ATP13A4: variants seen among roughly 807,000 people sequenced by gnomAD.
ATP13A4 encodes ATPase 13A4, also known as probable cation-transporting ATPase 13A4.
In ATP13A4, 114 loss-of-function variants were observed where a neutral mutation model predicts 142.5. That is an observed-to-expected ratio of 0.80 (90% CI 0.69 to 0.93). The LOEUF (loss-of-function observed/expected upper bound fraction) is 0.93, where lower values mean the gene tolerates loss of function less well. Ranked by LOEUF, ATP13A4 falls within the 40% of genes least tolerant of loss-of-function variation. ATP13A4 has a pLI of 0.00. For synonymous variants in ATP13A4, 488 were observed against 514.8 expected, an observed-to-expected ratio of 0.95 and a Z score of 0.70; for missense variants, 1,392 against 1,454.0, an observed-to-expected ratio of 0.96 and a Z score of 0.69.
chr3:193,454,123 G>A lies in ATP13A4; in HGVS notation c.2005C>T (p.His669Tyr). ...TACCTCGTCAAGGTAGTAGCGTGATGGTCATTTTCCAGCTTCTTGTAGGCC... is the reference window on the plus strand; with the variant it reads ...TACCTCGTCAAGGTAGTAGCGTGATAGTCATTTTCCAGCTTCTTGTAGGCC... ...ALAYKKLEND[H>Y]HATTLTRETV... The change falls in exon 17 of 30, where the codon CAT becomes TAT. Residue 669 changes from histidine (H) to tyrosine (Y), a missense_variant. His to Tyr is a moderately conservative substitution (Grantham distance 83). Coordinates refer to ENST00000342695, the MANE Select transcript of ATP13A4 (RefSeq NM_032279.4). The A allele has an allele frequency of 6.2e-7, 1 of 1,613,262 alleles. No homozygotes were observed. The highest frequency in any genetic ancestry group is 8.5e-7 in the Non-Finnish European group (1 of 1,179,210).
At chr3:193,477,430 T>C (rs554927780) in intron 8 of ATP13A4, among the ~76,000 whole-genome samples, 34 of 152,220 alleles carry the variant, frequency 2.2e-4, no homozygotes, top group African/African-American at 7.0e-4. Context: ...CAGTTGTATA[T>C]GTTCAAAGTG....
rs34195174 is a variant in ATP13A4 at position 193,414,611 on chromosome 3, C to A, written c.2982G>T (p.Gln994His). 2 of 1,613,936 alleles carry A rather than the reference C, an allele frequency of 1.2e-6. No homozygotes were observed. Among genetic ancestry groups the A allele is most frequent in the Non-Finnish European group, 1.7e-6 (2 of 1,180,012 alleles). The change falls in exon 26 of 30, where the codon CAG (glutamine) becomes CAT (histidine). Residue 994 changes from glutamine to histidine, a missense_variant. Gln to His is a conservative substitution (Grantham distance 24, BLOSUM62 0). Transcript: ENST00000342695. ...AMHIAGFILV[Q>H]RQPWYSVEIH... ...TCTCCACGGAATACCAAGGCTGCCT[C>A]TGAACCAGGATGAAGCCTGCAATAT...
intron 1 of ATP13A4, among the ~76,000 whole-genome samples, chr3:193,524,403 G>C (rs1034143254): frequency 6.6e-6 from 1 of 152,188 alleles, no homozygotes; most frequent in African/African-American, 2.4e-5. Context: ...ACACCCATTT[G>C]GTGTCCAGAG....
intron 1 of ATP13A4, among the ~76,000 whole-genome samples, chr3:193,546,663 A>G (rs939894176): frequency 1.3e-5 from 2 of 152,198 alleles, no homozygotes; most frequent in Non-Finnish European, 2.9e-5. Flanking sequence ...GTTTCTTTCA[A>G]TTACACCCTA....
At chr3:193,496,433 C>T (rs1306229651) in intron 3 of ATP13A4, among the ~76,000 whole-genome samples, 2 of 152,194 alleles carry the variant, frequency 1.3e-5, no homozygotes, top group African/African-American at 4.8e-5. Flanking sequence ...TTGCAGCCAA[C>T]TAGTTTTCAA....
At chr3:193,474,793 G>A (rs1017971) in intron 8 of ATP13A4, among the ~76,000 whole-genome samples, 71,082 of 151,210 alleles carry the variant, frequency 0.47, 16,809 homozygotes, top group African/African-American at 0.52. Flanking sequence ...GAGAAAAGGA[G>A]TACATGAAAG....
intron 3 of ATP13A4, among the ~76,000 whole-genome samples, chr3:193,497,501 A>G (rs557751280): frequency 1.4e-4 from 21 of 152,358 alleles, no homozygotes; most frequent in African/African-American, 5.1e-4. Context: ...TATGAAAAAC[A>G]GTATACAGGT....
intron 1 of ATP13A4, among the ~76,000 whole-genome samples, chr3:193,542,003 G>A (rs1473557150): frequency 6.6e-6 from 1 of 152,080 alleles, no homozygotes; most frequent in Admixed American, 6.5e-5. Flanking sequence ...AAGAAATAAA[G>A]GGTATTCAAA....
intron 1 of ATP13A4, among the ~76,000 whole-genome samples, chr3:193,590,367 G>A (rs945136480): frequency 1.3e-5 from 2 of 152,182 alleles, no homozygotes; most frequent in African/African-American, 4.8e-5. Flanking sequence ...GATGGGGTGA[G>A]TCTGAAATAT....
intron 1 of ATP13A4, among the ~76,000 whole-genome samples, chr3:193,532,457 T>C (rs977497698): frequency 1.3e-5 from 2 of 149,784 alleles, no homozygotes; most frequent in African/African-American, 4.9e-5. Flanking sequence ...AAACTTTGAT[T>C]GATTTTGAAT....
At chr3:193,457,349 G>A in intron 15 of ATP13A4, 30 bp downstream of exon 15, 1 of 1,609,848 alleles carries the variant, frequency 6.2e-7, no homozygotes, top group Non-Finnish European at 8.5e-7. Context: ...GAGTTTGGGT[G>A]TTGTGGGGTG....
rs547538529 is a variant in ATP13A4 at position 193,454,081 on chromosome 3, T to C, written c.2027+20A>G. ...CTTTCCATCAAACCTTTCTGCTTTA[T>C]CAAAATCATCCCCATTTACCTCGTC... On this transcript the variant is annotated intron_variant, in intron 17 of 29. Coordinates refer to ENST00000342695, the MANE Select transcript of ATP13A4 (RefSeq NM_032279.4). The C allele has an allele frequency of 3.0e-5, 47 of 1,578,204 alleles. No individual in the cohort carries two copies. Among genetic ancestry groups the C allele is most frequent in the Non-Finnish European group, 4.1e-5 (47 of 1,147,174 alleles).
chr3:193,450,104 C>T (rs374949904), intron 17 of ATP13A4, among the ~76,000 whole-genome samples: 159 of 149,386 alleles, frequency 1.1e-3, no homozygotes, highest in African/African-American at 3.7e-3. Context: ...AAAAATGAAA[C>T]CTGTCTCACA....
intron 7 of ATP13A4, among the ~76,000 whole-genome samples, chr3:193,486,066 AAT>A (rs1298925237): frequency 2.0e-5 from 3 of 149,834 alleles, no homozygotes; most frequent in East Asian, 1.9e-4. Flanking sequence ...TGTATATATA[AAT>A]ATGTTATTAT....
At chr3:193,525,297 T>C (rs191839933) in intron 1 of ATP13A4, among the ~76,000 whole-genome samples, 45 of 152,282 alleles carry the variant, frequency 3.0e-4, no homozygotes, top group South Asian at 1.7e-3. Flanking sequence ...AGCTGAAATC[T>C]TAAGATAATT....
At chr3:193,588,295 C>T (rs1024193127) in intron 1 of ATP13A4, among the ~76,000 whole-genome samples, 1 of 152,184 alleles carries the variant, frequency 6.6e-6, no homozygotes, top group African/African-American at 2.4e-5. Context: ...CCCTGTGGAA[C>T]TCCAAAGCTT....
chr3:193,533,087 T>G (rs1722415462), intron 1 of ATP13A4, among the ~76,000 whole-genome samples: 1 of 152,126 alleles, frequency 6.6e-6, no homozygotes, highest in African/African-American at 2.4e-5. Context: ...TAAAGAAATA[T>G]TTTTAAATAA....
intron 17 of ATP13A4, among the ~76,000 whole-genome samples, chr3:193,452,742 G>A (rs1204795878): frequency 6.8e-6 from 1 of 147,714 alleles, no homozygotes. Flanking sequence ...GGCTTATACT[G>A]TATATATTTT....
In ATP13A4 at chr3:193,401,934, A is replaced by G; in HGVS notation, c.*718T>C. The G allele has an allele frequency of 6.6e-6, 1 of 152,418 alleles. No individual in the cohort carries two copies. The highest frequency in any genetic ancestry group is 1.5e-5 in the Non-Finnish European group (1 of 68,138). The allele number at this position is 152,418 out of a possible 1,614,324, so 9.4% of individuals were successfully genotyped here. On this transcript the variant is annotated 3_prime_UTR_variant, in exon 30 of 30. Coordinates refer to ENST00000342695, the MANE Select transcript of ATP13A4 (RefSeq NM_032279.4). ...AGAGCCCACACGTGATCTCCAGTCT[A>G]TTCCTTCCCCCATCACAGTCAACAC...
Sources: allele counts gnomAD v4.1 joint callset (sites outside exome capture counted in the v4.1 genomes callset), GRCh38; gene constraint gnomAD v4.1.1; transcripts MANE v1.5; gene names NCBI Gene and HGNC (gene_info 2026-07-23, HGNC 2026-07-21).